The following COL22A1 variants were observed in gnomAD, a reference collection of about 807,000 sequenced individuals.
COL22A1 encodes the protein collagen type XXII alpha 1 chain.
COL22A1 carries 221 observed loss-of-function variants against 248.9 expected under a neutral mutation model. The ratio of observed to expected loss-of-function variants is 0.89; its 90% CI spans 0.80 to 0.99. The LOEUF is 0.99. Ranked by LOEUF, COL22A1 falls within the 50% of genes least tolerant of loss-of-function variation. The pLI is 0.00. For synonymous variants in COL22A1, 891 were observed against 793.4 expected, an observed-to-expected ratio of 1.12 and a Z score of -2.07; for missense variants, 2,240 against 2,179.0, an observed-to-expected ratio of 1.03 and a Z score of -0.56.
At chr8:138,722,847 G>GAGC (rs1184692495) in intron 25 of COL22A1, among the ~76,000 whole-genome samples, 19 of 91,780 alleles carry the variant, frequency 2.1e-4, no homozygotes, top group Non-Finnish European at 4.0e-4. Flanking sequence ...GGTCACATGG[G>GAGC]GGCGGGGGGG....
chr8:138,642,237 C>T (rs1242270537), intron 47 of COL22A1, among the ~76,000 whole-genome samples: 1 of 152,170 alleles, frequency 6.6e-6, no homozygotes, highest in Non-Finnish European at 1.5e-5. Flanking sequence ...TAGTGGTCAA[C>T]CCCAGTTATA....
intron 3 of COL22A1, among the ~76,000 whole-genome samples, chr8:138,863,669 G>A (rs983855115): frequency 1.3e-5 from 2 of 152,290 alleles, no homozygotes; most frequent in Non-Finnish European, 2.9e-5. Context: ...GCAGGGCTCC[G>A]TGGCTGTGCT....
At chr8:138,708,582 A>T (rs928569743) in intron 30 of COL22A1, among the ~76,000 whole-genome samples, 5 of 152,248 alleles carry the variant, frequency 3.3e-5, no homozygotes, top group Non-Finnish European at 7.3e-5. Context: ...CTGGCTAGCC[A>T]TATGTAGAAA....
At chr8:138,825,552 G>A (rs1297504306) in intron 6 of COL22A1, among the ~76,000 whole-genome samples, 2 of 152,176 alleles carry the variant, frequency 1.3e-5, no homozygotes, top group Non-Finnish European at 2.9e-5. Flanking sequence ...ATTAGTATTT[G>A]TAAAGCCCTC....
At chr8:138,599,616 T>A (rs534004371) in intron 60 of COL22A1, among the ~76,000 whole-genome samples, 141 of 152,184 alleles carry the variant, frequency 9.3e-4, no homozygotes, top group African/African-American at 3.1e-3. Flanking sequence ...TCCCAGCTAC[T>A]TGGAAGGCTG....
chr8:138,812,785 C>T (rs1818351150), intron 8 of COL22A1, among the ~76,000 whole-genome samples, 154 bp downstream of exon 8: 1 of 152,026 alleles, frequency 6.6e-6, no homozygotes, highest in African/African-American at 2.4e-5. Flanking sequence ...GCTTGGCTCC[C>T]CCAGCCCATA....
chr8:138,818,106 A>G (rs1378188354), intron 7 of COL22A1, among the ~76,000 whole-genome samples: 5 of 152,158 alleles, frequency 3.3e-5, no homozygotes, highest in African/African-American at 1.2e-4. Context: ...ATCTTGCTCT[A>G]TATCTTTGGA....
intron 30 of COL22A1, among the ~76,000 whole-genome samples, chr8:138,711,689 A>G (rs10089734): frequency 0.92 from 140,639 of 152,210 alleles, 65,441 homozygotes; most frequent in Non-Finnish European, 0.98. Context: ...AGGATGGGAG[A>G]CACTGCCTGG....
chr8:138,728,404 C>T lies in COL22A1; in HGVS notation c.2140-2964G>A, dbSNP rs149133855. Among the ~76,000 whole-genome samples the T allele has an allele frequency of 4.1e-3, 621 of 152,236 alleles. 1 individual carries two copies. Among genetic ancestry groups the T allele is most frequent in the African/African-American group, 0.011 (453 of 41,566 alleles). On this transcript the variant is annotated intron_variant, in intron 23 of 64. Transcript: ENST00000303045. ...TATCCGAAGGCCCTTCCCAAGCATA[C>T]AGGAGTCTCTTTGTTAGCAGTCTGA... is the stretch of plus-strand genomic sequence containing the variant.
chr8:138,596,191 C>T (rs1377523622), intron 62 of COL22A1, among the ~76,000 whole-genome samples: 1 of 152,232 alleles, frequency 6.6e-6, no homozygotes, highest in East Asian at 1.9e-4. Context: ...ATCCTCCTAC[C>T]TTCCTCCCTC....
intron 3 of COL22A1, among the ~76,000 whole-genome samples, chr8:138,847,793 T>C (rs1345530251): frequency 7.0e-6 from 1 of 142,586 alleles, no homozygotes; most frequent in African/African-American, 2.7e-5. Context: ...GTGGGAGGCA[T>C]AAGATTAAAA....
At chr8:138,843,188 C>T (rs1000962717) in intron 4 of COL22A1, among the ~76,000 whole-genome samples, 2 of 152,136 alleles carry the variant, frequency 1.3e-5, no homozygotes, top group Non-Finnish European at 2.9e-5. Flanking sequence ...CCAGAAAAAT[C>T]CCCCAGGCAC....
At chr8:138,822,241 G>A (rs919447803) in intron 6 of COL22A1, among the ~76,000 whole-genome samples, 2 of 152,098 alleles carry the variant, frequency 1.3e-5, no homozygotes, top group African/African-American at 2.4e-5. Context: ...GTAGAGACAA[G>A]GTTTCACCAT....
intron 22 of COL22A1, among the ~76,000 whole-genome samples, chr8:138,744,265 T>C (rs1831930087): frequency 1.3e-5 from 2 of 152,176 alleles, no homozygotes; most frequent in Non-Finnish European, 2.9e-5. Flanking sequence ...TCAAATCTAC[T>C]AGAAATCAGA....
At chr8:138,616,893 C>G (rs765063012) in intron 54 of COL22A1, 21 bp downstream of exon 54, 2 of 1,614,002 alleles carry the variant, frequency 1.2e-6, no homozygotes, top group Non-Finnish European at 1.7e-6. Context: ...GGGGGACCTC[C>G]AAAGTGAGGC....
rs747068781 is a variant in COL22A1 at position 138,883,071 on chromosome 8, G to A, written c.91+11C>T. The A allele has an allele frequency of 1.5e-5, 24 of 1,569,488 alleles. No homozygotes were observed. The highest frequency in any genetic ancestry group is 5.5e-5 in the Admixed American group (3 of 54,202). ...CCCAGCACAGCATGGCACAGCCCACGGTGGCCCCACCTGCCCGCTGAGCCT... is the reference window on the plus strand; with the variant it reads ...CCCAGCACAGCATGGCACAGCCCACAGTGGCCCCACCTGCCCGCTGAGCCT... On this transcript the variant is annotated intron_variant, in intron 2 of 64. Transcript: ENST00000303045.
Position 138,869,819 on chromosome 8 carries a change from C to T in COL22A1, c.658+7931G>A, listed in dbSNP as rs187522260. On this transcript the variant is annotated intron_variant, in intron 3 of 64. Transcript: ENST00000303045. ...CAGGCCACAGACCTCTACGTGGCGGCTCCAAACCCACAACCCACACTGCTG... is the reference window on the plus strand; with the variant it reads ...CAGGCCACAGACCTCTACGTGGCGGTTCCAAACCCACAACCCACACTGCTG... 2.1e-3 allele frequency among the ~76,000 whole-genome samples: 327 copies of T among 152,300 alleles called. 1 individual carries two copies. The highest frequency in any genetic ancestry group is 1.4e-3 in the Non-Finnish European group (93 of 68,016).
At chr8:138,842,398 G>C (rs1360572055) in intron 4 of COL22A1, among the ~76,000 whole-genome samples, 2 of 152,188 alleles carry the variant, frequency 1.3e-5, no homozygotes, top group African/African-American at 4.8e-5. Flanking sequence ...GGGTGATACT[G>C]CTATGAAGGA....
chr8:138,902,784 A>ACACG (rs1563907561), intron 1 of COL22A1, among the ~76,000 whole-genome samples: 4 of 149,404 alleles, frequency 2.7e-5, no homozygotes, highest in Non-Finnish European at 5.9e-5. Context: ...ACACACACAC[A>ACACG]CTAGAACTGA....
Sources: gnomAD v4.1 joint callset for allele counts (sites outside exome capture counted in the v4.1 genomes callset) on GRCh38, gnomAD v4.1.1 for gene constraint, MANE v1.5 for transcripts, NCBI Gene and HGNC (gene_info 2026-07-23, HGNC 2026-07-21) for gene names.